The following HCN2 variants were observed in gnomAD, a reference collection of about 807,000 sequenced individuals.
HCN2 encodes potassium/sodium hyperpolarization-activated cyclic nucleotide-gated channel 2.
A neutral mutation model predicts 52.3 loss-of-function variants in HCN2; 20 were observed. That is an observed-to-expected ratio of 0.38 (90% confidence interval 0.27 to 0.56). HCN2 has a LOEUF of 0.56. HCN2 is among the 20% of genes least tolerant of loss of function. The pLI, the probability that HCN2 is intolerant of heterozygous loss-of-function variation, is 0.71. For missense variants in HCN2, 981 were observed against 1,207.7 expected, an observed-to-expected ratio of 0.81 and a Z score of 2.78; for synonymous variants, 694 against 537.0, an observed-to-expected ratio of 1.29 and a Z score of -4.04.
At chr19:593,825 A>G (rs1354954582) in intron 1 of HCN2, among the ~76,000 whole-genome samples, 1 of 152,130 alleles carries the variant, frequency 6.6e-6, no homozygotes, top group Admixed American at 6.5e-5. Flanking sequence ...CTTGTAGGTG[A>G]TCACGGTTGG....
chr19:615,382 C>T (rs1264684307), intron 7 of HCN2, among the ~76,000 whole-genome samples: 2 of 152,032 alleles, frequency 1.3e-5, no homozygotes, highest in Non-Finnish European at 2.9e-5. Context: ...GGTGTGGTGG[C>T]GGGCGCCTGT....
Position 590,569 on chromosome 19 carries a change from C to A in HCN2, c.624C>A (p.Ser208Arg). Residue 208 changes from serine (S) to arginine (R), a missense_variant, in exon 1 of 8, where the codon AGC becomes AGA. Physicochemically the swap from Ser to Arg is moderately radical, Grantham distance 110 (BLOSUM62 -1). Coordinates refer to ENST00000251287, the MANE Select transcript of HCN2 (RefSeq NM_001194.4). The surrounding 1 kb of genome is among the most constrained non-coding windows in gnomAD (Gnocchi z 7.2). ...SAGAWIIHPY[S>R]DFRFYWDFTM... ...GGGCCTGGATCATCCACCCGTACAG[C>A]GACTTCAGGTACCGCCTCCGGGAGG... 2 of 1,445,294 alleles carry A rather than the reference C, an allele frequency of 1.4e-6. No individual in the cohort carries two copies. The highest frequency in any genetic ancestry group is 2.8e-5 in the East Asian group (1 of 35,146). The allele number at this position is 1,445,294 out of a possible 1,614,324, so 89.5% of individuals were successfully genotyped here.
chr19:610,138 C>A, intron 4 of HCN2, 121 bp from the exon 5 acceptor site: 1 of 1,222,654 alleles, frequency 8.2e-7, no homozygotes, highest in African/African-American at 1.5e-5. Context: ...TGCCCGTGTG[C>A]CCGCTGCAGG....
intron 5 of HCN2, among the ~76,000 whole-genome samples, chr19:611,087 C>A (rs1374790869): frequency 1.3e-5 from 2 of 152,088 alleles, no homozygotes; most frequent in Non-Finnish European, 2.9e-5. Context: ...GATCAGGGCC[C>A]ACCCGGTTCC....
rs1456379833 is a variant in HCN2 at position 616,220 on chromosome 19, C to T, written c.2416C>T (p.Pro806Ser). 18 of 989,078 alleles carry T rather than the reference C, an allele frequency of 1.8e-5. 1 individual carries two copies. The East Asian group carries it at 7.7e-4, about 43-fold the overall frequency. 61.3% of individuals were successfully genotyped at this position (989,078 alleles called of 1,614,324 possible). ...CCTGCCCGCCGCCCCCCTTGCTGGG[C>T]CCGCCCTGCCCGCGCGCCGCCTGAG... ...GGLPAAPLAG[P>S]ALPARRLSRA... is the part of the protein sequence containing the mutation. The change falls in exon 8 of 8, where the codon CCC (proline) becomes TCC (serine). Residue 806 changes from proline (P) to serine (S), a missense_variant. By Grantham distance (74) the Pro-to-Ser change is moderately conservative. Coordinates refer to ENST00000251287, the MANE Select transcript of HCN2 (RefSeq NM_001194.4).
At chr19:594,227 C>T (rs535900121) in intron 1 of HCN2, among the ~76,000 whole-genome samples, 120 of 151,946 alleles carry the variant, frequency 7.9e-4, no homozygotes, top group South Asian at 4.8e-3. Context: ...CCGGTGTCAC[C>T]GAGGGGGCTG....
chr19:617,108 C>CCAAAAA lies in HCN2; in HGVS notation c.*634_*635insCAAAAA. 1 of 553,076 alleles carries CCAAAAA rather than the reference C, an allele frequency of 1.8e-6. No individual in the cohort carries two copies. The highest frequency in any genetic ancestry group is 3.2e-6 in the Non-Finnish European group (1 of 312,168). The allele number at this position is 553,076 out of a possible 1,614,324, so 34.3% of individuals were successfully genotyped here. A position where few individuals can be genotyped will look rare whatever the true frequency, so the allele number is the denominator to read the frequency against. ...GCCCCCACCGTGGCCCCCCACGCCCCATTAACCCCCACACCCCCATTCCGC... is the reference window on the plus strand; with the variant it reads ...GCCCCCACCGTGGCCCCCCACGCCCCCAAAAAATTAACCCCCACACCCCCATTCCGC... On this transcript the variant is annotated 3_prime_UTR_variant, in exon 8 of 8. Transcript: ENST00000251287.
At chr19:611,731 T>C (rs1983645225) in intron 5 of HCN2, among the ~76,000 whole-genome samples, 1 of 152,138 alleles carries the variant, frequency 6.6e-6, no homozygotes, top group African/African-American at 2.4e-5. Context: ...CAGAACATTC[T>C]CATGGGCCCA....
At chr19:610,679 T>TG (rs1479442161) in intron 5 of HCN2, among the ~76,000 whole-genome samples, 2 of 151,718 alleles carry the variant, frequency 1.3e-5, no homozygotes, top group East Asian at 3.9e-4. Context: ...GGGCAGGGGG[T>TG]GGGGAGGGAG....
At position 613,876 on chromosome 19, in the gene HCN2, G is replaced by C; in HGVS notation, c.1850G>C (p.Arg617Pro). 1.3e-6 allele frequency: 2 copies of C among 1,590,300 alleles called. No individual in the cohort carries two copies. The highest frequency in any genetic ancestry group is 1.7e-6 in the Non-Finnish European group (2 of 1,169,202). ...FGEICLLTRG[R>P]RTASVRADTY... ...GAGATCTGCCTGCTCACCCGGGGCC[G>C]CCGCACGGCGAGCGTGCGGGCTGAC... is the stretch of plus-strand genomic sequence containing the variant. The change falls in exon 7 of 8, where the codon CGC becomes CCC. Residue 617 changes from arginine to proline, a missense_variant. Physicochemically the swap from Arg to Pro is moderately radical, Grantham distance 103. Coordinates refer to ENST00000251287, the MANE Select transcript of HCN2 (RefSeq NM_001194.4).
rs1210467872 is a variant in HCN2, at chr19:613,272, A to T, written c.1609A>T (p.Lys537Ter). Residue 537 changes from lysine (K) to a stop codon, truncating the protein, a stop_gained, in exon 6 of 8, where the codon AAG becomes TAG. Coordinates refer to ENST00000251287, the MANE Select transcript of HCN2 (RefSeq NM_001194.4). LOFTEE classifies it high-confidence loss of function. Reference sequence around the variant, plus strand: ...GGAGATCGTCAACTTCAACTGCCGGAAGCTGGTGGCCTCCATGCCGCTGTT... The same window carrying T: ...GGAGATCGTCAACTTCAACTGCCGGTAGCTGGTGGCCTCCATGCCGCTGTT... ...REEIVNFNCR[K>*]LVASMPLFAN... 1 of 1,612,490 alleles carries T rather than the reference A, an allele frequency of 6.2e-7. No individual in the cohort carries two copies. Among genetic ancestry groups the T allele is most frequent in the South Asian group, 1.1e-5 (1 of 91,040 alleles).
chr19:616,612 G>A lies in HCN2; in HGVS notation c.*138G>A. On this transcript the variant is annotated 3_prime_UTR_variant, in exon 8 of 8. Coordinates refer to ENST00000251287, the MANE Select transcript of HCN2 (RefSeq NM_001194.4). ...AGACGTAGGTAGCCGTAGTTGGACG[G>A]ACGGGCAGGGCCGGCGGGGCAGCCC... The A allele has an allele frequency of 9.1e-6, 4 of 439,656 alleles. No individual in the cohort carries two copies. The highest frequency in any genetic ancestry group is 1.3e-5 in the Non-Finnish European group (4 of 301,574). The allele number at this position is 439,656 out of a possible 1,614,324, so 27.2% of individuals were successfully genotyped here.
chr19:595,970 C>T (rs570151618), intron 1 of HCN2, among the ~76,000 whole-genome samples: 18 of 152,314 alleles, frequency 1.2e-4, no homozygotes, highest in African/African-American at 2.2e-4. Context: ...TTCCCCAACC[C>T]GGGACTCAGG....
At chr19:601,420 C>A (rs117139858) in intron 1 of HCN2, among the ~76,000 whole-genome samples, 5,168 of 152,316 alleles carry the variant, frequency 0.034, 128 homozygotes, top group Middle Eastern at 0.085. Context: ...AGTCGTGTTC[C>A]ATGGTGGACG....
chr19:598,292 C>T (rs1403820347), intron 1 of HCN2, among the ~76,000 whole-genome samples: 1 of 152,070 alleles, frequency 6.6e-6, no homozygotes, highest in Non-Finnish European at 1.5e-5. Context: ...GACCCCTCCC[C>T]ACCCCGAGAT....
chr19:602,052 C>A (rs139537117), intron 1 of HCN2, among the ~76,000 whole-genome samples: 154 of 151,792 alleles, frequency 1.0e-3, no homozygotes, highest in Admixed American at 4.9e-3. Context: ...GCGCCAGCCC[C>A]GTCTCTGCTT....
chr19:611,391 G>A (rs1309527338), intron 5 of HCN2, among the ~76,000 whole-genome samples: 13 of 152,316 alleles, frequency 8.5e-5, no homozygotes, highest in South Asian at 4.1e-4. Context: ...GCAAGGCCGT[G>A]TGTGAGCCAG....
chr19:613,122 AC>A (rs1268833586), intron 5 of HCN2, 125 bp from the exon 6 acceptor site: 2 of 1,294,576 alleles, frequency 1.5e-6, no homozygotes, highest in Non-Finnish European at 2.1e-6. Context: ...GGTTCCGGCT[AC>A]GGGGCTGAGC....
At chr19:610,204 G>A (rs1983566112) in intron 4 of HCN2, 55 bp from the exon 5 acceptor site, 6 of 1,568,824 alleles carry the variant, frequency 3.8e-6, no homozygotes, top group Middle Eastern at 2.0e-4. Flanking sequence ...AGGTGCCCCT[G>A]TGCCCGCTGC....
Sources: allele counts gnomAD v4.1 joint callset (sites outside exome capture counted in the v4.1 genomes callset), GRCh38; gene constraint gnomAD v4.1.1; non-coding constraint Gnocchi (gnomAD v3.1); transcripts MANE v1.5; gene names NCBI Gene and HGNC (gene_info 2026-07-23, HGNC 2026-07-21).